Variants in ADAM33 observed in about 807,000 individuals in gnomAD.
The protein encoded by ADAM33 is ADAM metallopeptidase domain 33, also known as disintegrin and metalloproteinase domain-containing protein 33.
Under a neutral mutation model 106.2 loss-of-function variants are expected in ADAM33, and 103 were observed. That is an observed-to-expected ratio of 0.97 (90% CI 0.83 to 1.14). ADAM33 has a LOEUF of 1.14. ADAM33 is among the 50% of genes most tolerant of loss of function. ADAM33 has a pLI of 0.00. For missense variants in ADAM33, 1,120 were observed against 1,096.6 expected (o/e 1.02, Z -0.30); for synonymous variants, 483 against 453.0 (o/e 1.07, Z -0.84).
chr20:3,679,507 G>A lies in ADAM33; in HGVS notation c.162C>T (p.Val54=), dbSNP rs1414698908. 8 of 1,609,320 alleles carry A rather than the reference G, an allele frequency of 5.0e-6. 1 individual carries two copies. The highest frequency in any genetic ancestry group is 1.7e-4 in the Middle Eastern group (1 of 6,058). ...TGGCACTGACCGGCTCCTCCAGGCTGACGGTGCGCCAGGGTTGTCCATCCA... is the reference window on the plus strand; with the variant it reads ...TGGCACTGACCGGCTCCTCCAGGCTAACGGTGCGCCAGGGTTGTCCATCCA... ...WVLDGQPWRT[V]SLEEPVSKPD... is the part of the protein sequence containing the mutation. The change falls in exon 2 of 22, where the codon GTC becomes GTT. Residue 54 remains valine (V), a synonymous_variant. Transcript: ENST00000356518.
intron 19 of ADAM33, 137 bp downstream of exon 19, chr20:3,670,869 T>A: frequency 7.7e-7 from 1 of 1,303,712 alleles, no homozygotes; most frequent in Non-Finnish European, 1.0e-6. Context: ...CAAAGCTACT[T>A]CTTTCCATGG....
Position 3,673,667 on chromosome 20 carries a change from G to A in ADAM33, c.906-9C>T. On this transcript the variant is annotated splice_polypyrimidine_tract_variant and intron_variant, in intron 9 of 21. Transcript: ENST00000356518. ...CCTGGAAGGCGCGGCCCCTGGGGGC[G>A]GAGCGCGGCGTGACCAGGCGGGGCC... The A allele has an allele frequency of 3.7e-6, 5 of 1,345,216 alleles. No individual in the cohort carries two copies. The highest frequency in any genetic ancestry group is 3.8e-5 in the South Asian group (2 of 52,272). 83.3% of individuals were successfully genotyped at this position (1,345,216 alleles called of 1,614,324 possible). A position where few individuals can be genotyped will look rare whatever the true frequency, so the allele number is the denominator to read the frequency against.
chr20:3,674,447 T>C (rs1209422540), intron 6 of ADAM33, 57 bp downstream of exon 6: 7 of 1,604,802 alleles, frequency 4.4e-6, no homozygotes, highest in African/African-American at 4.0e-5. Flanking sequence ...CCGTCTCTTC[T>C]GATTTGGAGG....
rs746750295 is a variant in ADAM33 at position 3,672,528 on chromosome 20, T to G, written c.1401+9A>C. On this transcript the variant is annotated intron_variant, in intron 13 of 21. Transcript: ENST00000356518. Reference sequence around the variant, plus strand: ...CGAAACCCTCACCCTGAACCTTCCATGCCCTCACCAGGCAGCGCACGCAGC... The same window carrying G: ...CGAAACCCTCACCCTGAACCTTCCAGGCCCTCACCAGGCAGCGCACGCAGC... 1 of 1,612,864 alleles carries G rather than the reference T, an allele frequency of 6.2e-7. No homozygotes were observed. Among genetic ancestry groups the G allele is most frequent in the South Asian group, 1.1e-5 (1 of 91,004 alleles).
chr20:3,679,311 G>C (rs2088254324), intron 2 of ADAM33, among the ~76,000 whole-genome samples, 181 bp downstream of exon 2: 1 of 151,898 alleles, frequency 6.6e-6, no homozygotes, highest in Non-Finnish European at 1.5e-5. Flanking sequence ...ACGAGATCCA[G>C]ATGTCCAAAC....
In ADAM33 at chr20:3,671,311, G is replaced by C. The variant is rs762929673; in HGVS notation, c.2018C>G (p.Pro673Arg). 3.7e-6 allele frequency: 6 copies of C among 1,614,020 alleles called. No individual in the cohort carries two copies. In the South Asian group the frequency reaches 6.6e-5, roughly 18 times the overall value. Residue 673 changes from proline (P) to arginine (R), a missense_variant, in exon 18 of 22, where the codon CCA becomes CGA. Pro to Arg is a moderately radical substitution (Grantham distance 103). Coordinates refer to ENST00000356518, the MANE Select transcript of ADAM33 (RefSeq NM_025220.5). ...CNSNHNCHCA[P>R]GWAPPFCDKP... ...GTCACAGAAGGGTGGAGCCCAGCCT[G>C]GAGCACAGTGGCAGTTATGGTTGCT...
chr20:3,672,669 G>A, intron 12 of ADAM33, 43 bp from the exon 13 acceptor site: 3 of 1,608,768 alleles, frequency 1.9e-6, no homozygotes, highest in African/African-American at 1.3e-5. Context: ...AGGGCGCAGC[G>A]CCCCAGACCT....
At chr20:3,669,160 G>T in intron 21 of ADAM33, 139 bp downstream of exon 21, 2 of 1,176,074 alleles carry the variant, frequency 1.7e-6, no homozygotes, top group Non-Finnish European at 2.5e-6. Context: ...TGGTCTGCAT[G>T]ATAACCAAGA....
chr20:3,670,909 C>CA, intron 19 of ADAM33, 97 bp downstream of exon 19: 1 of 1,433,598 alleles, frequency 7.0e-7, no homozygotes, highest in South Asian at 1.5e-5. Flanking sequence ...CACCTGGGGG[C>CA]AAGGCTGAGG....
At position 3,672,574 on chromosome 20, in the gene ADAM33, G is replaced by GC. The variant is rs2087615408; in HGVS notation, c.1363dup (p.Ala455GlyfsTer27). ...GCAGCAGTCCCCGTGGGCGCACTGG[G>GC]CCCCCGGGCGCAGCGAGCAGTTGTG... On this transcript the variant is annotated frameshift_variant, in exon 13 of 22. Coordinates refer to ENST00000356518, the MANE Select transcript of ADAM33 (RefSeq NM_025220.5). LOFTEE classifies it high-confidence loss of function. 6.2e-7 allele frequency: 1 copy of GC among 1,613,522 alleles called. No individual in the cohort carries two copies. Among genetic ancestry groups the GC allele is most frequent in the Non-Finnish European group, 8.5e-7 (1 of 1,179,894 alleles).
chr20:3,674,277 C>G lies in ADAM33; in HGVS notation c.608G>C (p.Arg203Pro), dbSNP rs756430869. 5.0e-6 allele frequency: 8 copies of G among 1,613,928 alleles called. No individual in the cohort carries two copies. The highest frequency in any genetic ancestry group is 6.8e-6 in the Non-Finnish European group (8 of 1,180,020). The change falls in exon 7 of 22, where the codon CGA becomes CCA. Residue 203 changes from arginine to proline, a missense_variant. Arg to Pro is a moderately radical substitution (Grantham distance 103). Coordinates refer to ENST00000356518, the MANE Select transcript of ADAM33 (RefSeq NM_025220.5). Reference sequence around the variant, plus strand: ...GTACTTCCGGGTCCTGCGCGCTTCTCGCCTGCCCTGCGGAGGTGCAAATGG... The same window carrying G: ...GTACTTCCGGGTCCTGCGCGCTTCTGGCCTGCCCTGCGGAGGTGCAAATGG... The part of the protein sequence containing the change: ...LPGGPQSRGR[R>P]EARRTRKYLE...
chr20:3,671,465 G>C lies in ADAM33; in HGVS notation c.1937C>G (p.Ala646Gly). Residue 646 changes from alanine (A) to glycine (G), a missense_variant, in exon 17 of 22, where the codon GCC becomes GGC. Coordinates refer to ENST00000356518, the MANE Select transcript of ADAM33 (RefSeq NM_025220.5). The stretch of plus-strand genomic sequence containing the variant: ...CAGGCAGCGCTGAAGCTCCTGGAAG[G>C]CATTCTTCCTGCAGCGCCTGCTCTG... The part of the protein sequence containing the change: ...VCQSRRCRKN[A>G]FQELQRCLTA... 1.9e-6 allele frequency: 3 copies of C among 1,611,684 alleles called. No individual in the cohort carries two copies. Among genetic ancestry groups the C allele is most frequent in the Non-Finnish European group, 2.5e-6 (3 of 1,178,784 alleles).
At position 3,671,325 on chromosome 20, in the gene ADAM33, G is replaced by A. The variant is rs1435770373; in HGVS notation, c.2004C>T (p.Asn668=). The stretch of plus-strand genomic sequence containing the variant: ...GAGCCCAGCCTGGAGCACAGTGGCA[G>A]TTATGGTTGCTATTGCAAACCTGCA... ...HSHGVCNSNH[N]CHCAPGWAPP... Residue 668 remains asparagine, a synonymous_variant, in exon 18 of 22, where the codon AAC becomes AAT. Coordinates refer to ENST00000356518, the MANE Select transcript of ADAM33 (RefSeq NM_025220.5). 1 of 1,613,924 alleles carries A rather than the reference G, an allele frequency of 6.2e-7. No homozygotes were observed.
chr20:3,679,928 T>C (rs2088329751), intron 1 of ADAM33, among the ~76,000 whole-genome samples: 1 of 152,020 alleles, frequency 6.6e-6, no homozygotes, highest in Admixed American at 6.5e-5. Flanking sequence ...GCCTTAGGGA[T>C]TTTTAGATGG....
chr20:3,679,644 G>C, intron 1 of ADAM33, 73 bp from the exon 2 acceptor site: 10 of 1,378,348 alleles, frequency 7.3e-6, no homozygotes, highest in Non-Finnish European at 9.1e-6. Flanking sequence ...CAGAGGGAGG[G>C]GGGTAGAGGA....
In ADAM33 at chr20:3,669,570, C is replaced by A. The variant is rs1300677219; in HGVS notation, c.2308G>T (p.Ala770Ser). Reference protein sequence around the residue: ...GVHPMELGPTATGQPWPLDPE... With the variant: ...GVHPMELGPTSTGQPWPLDPE... The stretch of plus-strand genomic sequence containing the variant: ...CCCAGGGGCCAGGGCTGTCCAGTGG[C>A]TGTGGGGCCCAACTCCATGGGGTGA... Residue 770 changes from alanine (A) to serine (S), a missense_variant, in exon 20 of 22, where the codon GCC (alanine) becomes TCC (serine). Physicochemically the swap from Ala to Ser is moderately conservative, Grantham distance 99. Transcript: ENST00000356518. The A allele has an allele frequency of 6.3e-7, 1 of 1,599,298 alleles. No homozygotes were observed. Among genetic ancestry groups the A allele is most frequent in the Admixed American group, 1.7e-5 (1 of 57,506 alleles).
At chr20:3,681,612 G>A (rs994170057) in intron 1 of ADAM33, among the ~76,000 whole-genome samples, 6 of 150,058 alleles carry the variant, frequency 4.0e-5, no homozygotes, top group Non-Finnish European at 7.4e-5. Flanking sequence ...GCTATGGGCT[G>A]GGGGCTGGGC....
chr20:3,679,869 A>T (rs963407664), intron 1 of ADAM33, among the ~76,000 whole-genome samples: 1 of 152,148 alleles, frequency 6.6e-6, no homozygotes, highest in Non-Finnish European at 1.5e-5. Flanking sequence ...GGCGATCACA[A>T]GGAAGAGGCC....
intron 1 of ADAM33, among the ~76,000 whole-genome samples, chr20:3,680,345 G>A (rs542461894): frequency 2.4e-4 from 36 of 152,176 alleles, no homozygotes; most frequent in Admixed American, 2.0e-3. Context: ...TCCTTCCCCC[G>A]GTACCCAGTC....
Sources: gnomAD v4.1 joint callset for allele counts (sites outside exome capture counted in the v4.1 genomes callset) on GRCh38, gnomAD v4.1.1 for gene constraint, MANE v1.5 for transcripts, NCBI Gene and HGNC (gene_info 2026-07-23, HGNC 2026-07-21) for gene names.